PCNX2: variants seen among roughly 807,000 people sequenced by gnomAD.
PCNX2 encodes pecanex-like protein 2.
Under a neutral mutation model 223.8 loss-of-function variants are expected in PCNX2, and 168 were observed. The ratio of observed to expected loss-of-function variants is 0.75; its 90% CI spans 0.66 to 0.85. The LOEUF (loss-of-function observed/expected upper bound fraction) is 0.85, where lower values mean the gene tolerates loss of function less well. Ranked by LOEUF, PCNX2 falls within the 40% of genes least tolerant of loss-of-function variation. The pLI, the probability that PCNX2 is intolerant of heterozygous loss-of-function variation, is 0.00. For synonymous variants in PCNX2, 1,006 were observed against 1,052.6 expected, an observed-to-expected ratio of 0.96 and a Z score of 0.86; for missense variants, 2,507 against 2,675.5, an observed-to-expected ratio of 0.94 and a Z score of 1.39.
At chr1:233,034,784 G>T (rs1359375732) in intron 25 of PCNX2, among the ~76,000 whole-genome samples, 3 of 152,200 alleles carry the variant, frequency 2.0e-5, no homozygotes, top group African/African-American at 7.2e-5. Flanking sequence ...TACCTTCCTG[G>T]CTGGGAGGCC....
Position 233,001,664 on chromosome 1 carries a change from T to A in PCNX2, c.4970A>T (p.Tyr1657Phe). The change falls in exon 29 of 34, where the codon TAT (tyrosine) becomes TTT (phenylalanine). Residue 1657 changes from tyrosine to phenylalanine, a missense_variant. Tyr to Phe is a conservative substitution (Grantham distance 22, BLOSUM62 3). This residue lies in a region of PCNX2 where 1,372 missense variants were observed against 1,509.4 expected (regional missense o/e 0.91). Transcript: ENST00000258229. This position sits in a 1 kb window ranked among gnomAD's most constrained non-coding sequence, Gnocchi z 4.2. ...NMAISLDSFL[Y>F]GLHVLFKGDF... ...ACCTTTGAAGAGGACATGGAGGCCA[T>A]ACAGGAAAGAATCCAGGCTGCAAAA... 6.3e-7 allele frequency: 1 copy of A among 1,584,318 alleles called. No individual in the cohort carries two copies. The highest frequency in any genetic ancestry group is 8.6e-7 in the Non-Finnish European group (1 of 1,163,928).
At chr1:233,130,177 C>T (rs1202036638) in intron 21 of PCNX2, among the ~76,000 whole-genome samples, 1 of 152,170 alleles carries the variant, frequency 6.6e-6, no homozygotes, top group African/African-American at 2.4e-5. Context: ...CACATCCGAA[C>T]ATCGGAAGGA....
intron 1 of PCNX2, chr1:233,291,565 G>C (rs1209084795): frequency 1.6e-6 from 1 of 623,168 alleles, no homozygotes; most frequent in Admixed American, 6.8e-5. Context: ...CCGAGATTGC[G>C]CCATTGCACT....
chr1:233,164,705 T>C (rs1010976609), intron 17 of PCNX2, among the ~76,000 whole-genome samples: 1 of 151,982 alleles, frequency 6.6e-6, no homozygotes, highest in Non-Finnish European at 1.5e-5. Flanking sequence ...TAAAAAAGAA[T>C]GTAATCCTGT....
intron 15 of PCNX2, chr1:233,181,149 C>T (rs905281441): frequency 1.3e-5 from 2 of 151,486 alleles, no homozygotes; most frequent in African/African-American, 4.9e-5. Context: ...GTCCTACTTT[C>T]TTTTCATTGG....
chr1:233,025,128 T>C lies in PCNX2; in HGVS notation c.4605+18A>G, dbSNP rs1671034461. 1.2e-6 allele frequency: 2 copies of C among 1,612,964 alleles called. No individual in the cohort carries two copies. Among genetic ancestry groups the C allele is most frequent in the East Asian group, 2.2e-5 (1 of 44,846 alleles). On this transcript the variant is annotated intron_variant, in intron 26 of 33. Coordinates refer to ENST00000258229, the MANE Select transcript of PCNX2 (RefSeq NM_014801.4). ...TCCTAGCATTTCTGCCTTAGGTGTTTGGGAAACAGAGCAATACCTTGATGT... is the reference window on the plus strand; with the variant it reads ...TCCTAGCATTTCTGCCTTAGGTGTTCGGGAAACAGAGCAATACCTTGATGT...
intron 19 of PCNX2, among the ~76,000 whole-genome samples, chr1:233,147,095 T>C (rs1048670395): frequency 1.3e-5 from 2 of 152,218 alleles, no homozygotes; most frequent in Non-Finnish European, 2.9e-5. Context: ...ATTCTAACCA[T>C]CTGAACTACC....
chr1:233,296,694 C>T (rs534044155), upstream of PCNX2, among the ~76,000 whole-genome samples: 161 of 152,296 alleles, frequency 1.1e-3, 1 homozygote, highest in African/African-American at 3.6e-3. Flanking sequence ...ATTCCCAACA[C>T]GCCTTCCCTG....
Position 233,258,905 on chromosome 1 carries a change from C to T in PCNX2, c.957G>A (p.Val319=), listed in dbSNP as rs952576530. ...CTGCTGGCTCCTCCACAGGCTTGGC[C>T]ACGATGGTGTCACATTGAGGGCAGC... ...SSSCPQCDTI[V]AKPVEEPADT... The change falls in exon 5 of 34, where the codon GTG becomes GTA. Residue 319 remains valine, a synonymous_variant. Coordinates refer to ENST00000258229, the MANE Select transcript of PCNX2 (RefSeq NM_014801.4). 2 of 1,613,908 alleles carry T rather than the reference C, an allele frequency of 1.2e-6. No individual in the cohort carries two copies. Among genetic ancestry groups the T allele is most frequent in the South Asian group, 2.2e-5 (2 of 91,072 alleles).
intron 19 of PCNX2, among the ~76,000 whole-genome samples, chr1:233,158,205 G>A (rs1678245363): frequency 6.6e-6 from 1 of 152,090 alleles, no homozygotes; most frequent in African/African-American, 2.4e-5. Context: ...GTTGTTAATG[G>A]CCCACTCCTA....
At chr1:233,006,485 C>T (rs1357502303) in intron 28 of PCNX2, among the ~76,000 whole-genome samples, 2 of 152,162 alleles carry the variant, frequency 1.3e-5, no homozygotes, top group Non-Finnish European at 2.9e-5. Context: ...GCCCCCACCA[C>T]AAAGAACCAT....
At chr1:233,285,090 C>A in intron 1 of PCNX2, 4 of 866,540 alleles carry the variant, frequency 4.6e-6, no homozygotes, top group Non-Finnish European at 5.5e-6. Context: ...CAGTGGTTCA[C>A]GCCTGTAATC....
At chr1:233,231,909 G>A (rs1658085499) in intron 9 of PCNX2, among the ~76,000 whole-genome samples, 2 of 152,110 alleles carry the variant, frequency 1.3e-5, no homozygotes, top group Admixed American at 6.5e-5. Context: ...TCTCTGCACT[G>A]CAGTTTCCTT....
intron 5 of PCNX2, among the ~76,000 whole-genome samples, chr1:233,257,508 T>C (rs1659800027): frequency 1.3e-5 from 2 of 152,212 alleles, no homozygotes; most frequent in African/African-American, 2.4e-5. Flanking sequence ...CCCTCGTTAA[T>C]ACATGCAAAG....
At chr1:233,155,866 A>G (rs934959523) in intron 19 of PCNX2, among the ~76,000 whole-genome samples, 1 of 152,236 alleles carries the variant, frequency 6.6e-6, no homozygotes, top group Admixed American at 6.5e-5. Context: ...TAAAAATATG[A>G]GTACTCCTTT....
intron 23 of PCNX2, among the ~76,000 whole-genome samples, chr1:233,078,903 G>C (rs1297861104): frequency 6.6e-6 from 1 of 152,136 alleles, no homozygotes; most frequent in Non-Finnish European, 1.5e-5. Flanking sequence ...CATACCTCAC[G>C]TGTCAAACCT....
Position 233,136,671 on chromosome 1 carries a change from T to G in PCNX2, c.3660-1481A>C, listed in dbSNP as rs1444296585. Among the ~76,000 whole-genome samples the G allele has an allele frequency of 3.3e-5, 5 of 152,296 alleles. No homozygotes were observed. The South Asian group carries it at 1.0e-3, about 32-fold the overall frequency. On this transcript the variant is annotated intron_variant, in intron 20 of 33. Coordinates refer to ENST00000258229, the MANE Select transcript of PCNX2 (RefSeq NM_014801.4). ...CTGAACATTGCTCCATAACTGGCCTTCCTTTTCCAGTGCGCAACTAATGCC... is the reference window on the plus strand; with the variant it reads ...CTGAACATTGCTCCATAACTGGCCTGCCTTTTCCAGTGCGCAACTAATGCC...
intron 25 of PCNX2, among the ~76,000 whole-genome samples, chr1:233,044,184 T>C (rs543408093): frequency 1.3e-5 from 2 of 151,962 alleles, no homozygotes; most frequent in Admixed American, 1.3e-4. Context: ...TTTCATGTGT[T>C]TTTTGGCTGC....
At chr1:233,312,262 C>G in the PCNX2 span, among the ~76,000 whole-genome samples, 1,607 of 152,076 alleles carry the variant, frequency 0.011, 28 homozygotes, top group African/African-American at 0.036. Context: ...ATGAAAAGGA[C>G]AAAACAAACA....
Sources: allele counts gnomAD v4.1 joint callset (sites outside exome capture counted in the v4.1 genomes callset), GRCh38; gene constraint gnomAD v4.1.1; regional missense constraint gnomAD v4.1.1; non-coding constraint Gnocchi (gnomAD v3.1); transcripts MANE v1.5; gene names NCBI Gene and HGNC (gene_info 2026-07-23, HGNC 2026-07-21).